HMBOX1: variants seen among roughly 807,000 people sequenced by gnomAD.
HMBOX1 encodes homeobox containing 1.
In HMBOX1, 14 loss-of-function variants were observed where a neutral mutation model predicts 54.5. The observed-to-expected ratio is 0.26, with a 90% CI of 0.17 to 0.40. The LOEUF (loss-of-function observed/expected upper bound fraction) is 0.40, where lower values mean the gene tolerates loss of function less well. Ranked by LOEUF, HMBOX1 falls within the 10% of genes least tolerant of loss-of-function variation. The pLI is 1.00. For synonymous variants in HMBOX1, 160 were observed against 181.0 expected (o/e 0.88, Z 0.93); for missense variants, 332 against 514.4 (o/e 0.65, Z 3.43).
At chr8:28,914,078 G>T (rs1319541373) in intron 1 of HMBOX1, among the ~76,000 whole-genome samples, 3 of 151,922 alleles carry the variant, frequency 2.0e-5, no homozygotes, top group African/African-American at 7.2e-5. Flanking sequence ...ATGTTGGCCA[G>T]GCTGGTCTCG....
intron 1 of HMBOX1, among the ~76,000 whole-genome samples, chr8:28,935,025 A>G (rs1820156773): frequency 6.6e-6 from 1 of 152,244 alleles, no homozygotes; most frequent in South Asian, 2.1e-4. Flanking sequence ...ATTGCCACTT[A>G]TAGTGGCATC....
intron 6 of HMBOX1, among the ~76,000 whole-genome samples, chr8:29,044,427 T>C (rs1372795340): frequency 6.6e-6 from 1 of 152,208 alleles, no homozygotes; most frequent in Non-Finnish European, 1.5e-5. Flanking sequence ...ACATGCAGTC[T>C]GATGGGTCTG....
At chr8:29,014,520 G>A (rs1834704803) in intron 5 of HMBOX1, among the ~76,000 whole-genome samples, 1 of 152,072 alleles carries the variant, frequency 6.6e-6, no homozygotes, top group African/African-American at 2.4e-5. Context: ...TGTTTCCAGA[G>A]TACTTTTTTG....
chr8:28,976,252 A>G (rs574208690), intron 3 of HMBOX1, among the ~76,000 whole-genome samples: 1 of 152,248 alleles, frequency 6.6e-6, no homozygotes, highest in East Asian at 1.9e-4. Context: ...ATAATAGTCA[A>G]TGTTTAGTAT....
chr8:29,011,877 C>G (rs1834272668), intron 5 of HMBOX1, among the ~76,000 whole-genome samples: 1 of 152,174 alleles, frequency 6.6e-6, no homozygotes, highest in African/African-American at 2.4e-5. Flanking sequence ...TCTTTAAGTA[C>G]ATAGTGCCTC....
In HMBOX1 at chr8:28,910,808, A is replaced by G. The variant is rs1391052302; in HGVS notation, c.-58+20130A>G. Among the ~76,000 whole-genome samples, 4 of 152,252 alleles carry G rather than the reference A, an allele frequency of 2.6e-5. No individual in the cohort carries two copies. The East Asian group carries it at 7.7e-4, about 29-fold the overall frequency. On this transcript the variant is annotated intron_variant, in intron 1 of 9. Transcript: ENST00000287701. ...ATATGTTTTGCAGATATTTTCTCCT[A>G]ACCCTTGTCTTTTCTTTCTCTTACT... is the stretch of plus-strand genomic sequence containing the variant.
chr8:28,940,196 G>A (rs554170230), intron 1 of HMBOX1, among the ~76,000 whole-genome samples: 2 of 152,174 alleles, frequency 1.3e-5, no homozygotes, highest in African/African-American at 4.8e-5. Flanking sequence ...TAGTAGAAAC[G>A]GGGTTTCCCC....
intron 1 of HMBOX1, among the ~76,000 whole-genome samples, chr8:28,952,295 A>G (rs1385498048): frequency 6.6e-6 from 1 of 152,068 alleles, no homozygotes; most frequent in Non-Finnish European, 1.5e-5. Context: ...GTGCAGTGGC[A>G]TGATCTTGAC....
At chr8:29,012,342 T>TG (rs760398527) in intron 5 of HMBOX1, among the ~76,000 whole-genome samples, 189 of 152,222 alleles carry the variant, frequency 1.2e-3, no homozygotes, top group Non-Finnish European at 2.2e-3. Context: ...TCAGACCTGA[T>TG]TGGAATCCAC....
intron 4 of HMBOX1, among the ~76,000 whole-genome samples, chr8:28,982,063 C>CT: frequency 6.6e-6 from 1 of 152,172 alleles, no homozygotes; most frequent in South Asian, 2.1e-4. Flanking sequence ...CGGTGAAACT[C>CT]TGTCTCTACT....
intron 4 of HMBOX1, among the ~76,000 whole-genome samples, chr8:28,992,640 T>C (rs1435083436): frequency 6.6e-6 from 1 of 151,366 alleles, no homozygotes; most frequent in Non-Finnish European, 1.5e-5. Context: ...GGAATCCGAG[T>C]GGGGTGGATC....
At chr8:29,045,486 G>A (rs369456597) in intron 7 of HMBOX1, 43 bp downstream of exon 7, 5 of 1,505,300 alleles carry the variant, frequency 3.3e-6, no homozygotes, top group South Asian at 1.1e-5. Flanking sequence ...GCAGCACAGC[G>A]CTTGGTTACA....
chr8:29,006,545 T>A (rs1563568018), intron 4 of HMBOX1, among the ~76,000 whole-genome samples: 1 of 152,226 alleles, frequency 6.6e-6, no homozygotes, highest in South Asian at 2.1e-4. Context: ...TCGTATATGC[T>A]CTATAGCCTT....
intron 1 of HMBOX1, among the ~76,000 whole-genome samples, chr8:28,900,421 CATA>C (rs955812695): frequency 2.0e-5 from 3 of 151,638 alleles, no homozygotes; most frequent in African/African-American, 7.3e-5. Flanking sequence ...GCATAGACAG[CATA>C]ATGTCTACTT....
chr8:29,006,379 G>A (rs1044658414), intron 4 of HMBOX1, among the ~76,000 whole-genome samples: 7 of 152,110 alleles, frequency 4.6e-5, no homozygotes, highest in Non-Finnish European at 8.8e-5. Flanking sequence ...TGTCTCTTTT[G>A]AACATACTTC....
At chr8:28,946,459 A>G (rs779067535) in intron 1 of HMBOX1, among the ~76,000 whole-genome samples, 24 of 151,870 alleles carry the variant, frequency 1.6e-4, no homozygotes, top group Non-Finnish European at 2.9e-4. Context: ...AATCCCAGCT[A>G]CTTGGGAGCT....
At chr8:28,925,758 T>C (rs1009283168) in intron 1 of HMBOX1, among the ~76,000 whole-genome samples, 1 of 152,136 alleles carries the variant, frequency 6.6e-6, no homozygotes, top group African/African-American at 2.4e-5. Context: ...ATCTTTTTAT[T>C]TGATCCTCAT....
intron 5 of HMBOX1, chr8:29,009,509 A>G (rs947092815): frequency 2.3e-6 from 2 of 870,172 alleles, no homozygotes; most frequent in African/African-American, 3.8e-5. Context: ...ATAACTACGT[A>G]AGATTCCGTA....
In HMBOX1 at chr8:28,927,366, G is replaced by C. The variant is rs147342765; in HGVS notation, c.-57-36445G>C. ...ACTATAAAGGGATATCTGAAGCTGG[G>C]TAATTTACAAAGAAGAGAGGTTTAT... On this transcript the variant is annotated intron_variant, in intron 1 of 9. Transcript: ENST00000287701. Among the ~76,000 whole-genome samples, 3 of 152,238 alleles carry C rather than the reference G, an allele frequency of 2.0e-5. No homozygotes were observed. In the East Asian group the frequency reaches 5.8e-4, roughly 29 times the overall value.
Sources: gnomAD v4.1 joint callset for allele counts (sites outside exome capture counted in the v4.1 genomes callset) on GRCh38, gnomAD v4.1.1 for gene constraint, MANE v1.5 for transcripts, NCBI Gene and HGNC (gene_info 2026-07-23, HGNC 2026-07-21) for gene names.